CRTC3: variants seen among roughly 807,000 people sequenced by gnomAD.
CRTC3 encodes the protein CREB-regulated transcription coactivator 3.
A neutral mutation model predicts 74.5 loss-of-function variants in CRTC3; 26 were observed. The ratio of observed to expected loss-of-function variants is 0.35; its 90% confidence interval spans 0.26 to 0.48. The LOEUF (loss-of-function observed/expected upper bound fraction) is 0.48, where lower values mean the gene tolerates loss of function less well. Among genes scored for constraint, CRTC3 ranks in the 20% least tolerant of loss-of-function variants. CRTC3 has a pLI of 0.99. For missense variants in CRTC3, 760 were observed against 787.3 expected (o/e 0.97, Z 0.41); for synonymous variants, 377 against 325.8 (o/e 1.16, Z -1.69).
intron 2 of CRTC3, among the ~76,000 whole-genome samples, chr15:90,547,455 T>C (rs1966846256): frequency 6.6e-6 from 1 of 152,218 alleles, no homozygotes; most frequent in Non-Finnish European, 1.5e-5. Context: ...TTTAATATAC[T>C]AAAGACCAAT....
chr15:90,585,842 G>T (rs1278795107), intron 2 of CRTC3, among the ~76,000 whole-genome samples: 1 of 152,144 alleles, frequency 6.6e-6, no homozygotes, highest in Admixed American at 6.5e-5. Flanking sequence ...ACCTGGGTGG[G>T]GTGTGATGCA....
chr15:90,604,558 T>C, intron 5 of CRTC3, 111 bp downstream of exon 5: 1 of 848,360 alleles, frequency 1.2e-6, no homozygotes, highest in South Asian at 1.5e-5. Context: ...TGTGTTGATA[T>C]GACATGTTCA....
At chr15:90,596,526 T>A (rs1396863631) in intron 3 of CRTC3, 1 of 152,156 alleles carries the variant, frequency 6.6e-6, no homozygotes, top group Non-Finnish European at 1.5e-5. Context: ...TCACTGATCA[T>A]GAGCCATGTC....
At position 90,543,300 on chromosome 15, in the gene CRTC3, C is replaced by CAAAAAA. The variant is rs10678466; in HGVS notation, c.231+3177_231+3182dup. Among the ~76,000 whole-genome samples the CAAAAAA allele has an allele frequency of 1.8e-5, 2 of 108,218 alleles. 1 individual carries two copies. Among genetic ancestry groups the CAAAAAA allele is most frequent in the African/African-American group, 7.3e-5 (2 of 27,574 alleles). The allele number at this position is 108,218 out of a possible 152,430, so 71.0% of individuals were successfully genotyped here. ...TGGGTGACAGAGCCAAACCCTGTCT[C>CAAAAAA]AAAAAAAAAAAAAAAAAAAGGTGGC... On this transcript the variant is annotated intron_variant, in intron 2 of 14. Coordinates refer to ENST00000268184, the MANE Select transcript of CRTC3 (RefSeq NM_022769.5).
rs78675007 is a variant in CRTC3, at chr15:90,638,694, C to T, written c.1468-41C>T. The T allele has an allele frequency of 2.1e-4, 340 of 1,612,492 alleles. 1 individual carries two copies. The East Asian group carries it at 7.5e-3, about 35-fold the overall frequency. ...GTGCAGAGGGAATGCTTGTTTTGCT[C>T]TGAGTTCCAAGCTAAATGATCATCT... is the stretch of plus-strand genomic sequence containing the variant. On this transcript the variant is annotated intron_variant, in intron 12 of 14. Transcript: ENST00000268184.
At chr15:90,567,253 G>A (rs957175782) in intron 2 of CRTC3, among the ~76,000 whole-genome samples, 3 of 152,050 alleles carry the variant, frequency 2.0e-5, no homozygotes, top group African/African-American at 7.2e-5. Context: ...CCAGGATGAC[G>A]GTACATGTGT....
chr15:90,545,702 A>G (rs867503824), intron 2 of CRTC3, among the ~76,000 whole-genome samples: 67 of 151,930 alleles, frequency 4.4e-4, no homozygotes, highest in South Asian at 1.9e-3. Flanking sequence ...TCAGCCTCCC[A>G]AGTAGCTGGG....
chr15:90,547,598 C>T (rs1966846514), intron 2 of CRTC3, among the ~76,000 whole-genome samples: 1 of 152,138 alleles, frequency 6.6e-6, no homozygotes, highest in Non-Finnish European at 1.5e-5. Context: ...TAATCTTTAG[C>T]AAGGGGCAGA....
At chr15:90,628,937 T>C (rs1968935856) in intron 10 of CRTC3, among the ~76,000 whole-genome samples, 1 of 152,242 alleles carries the variant, frequency 6.6e-6, no homozygotes, top group African/African-American at 2.4e-5. Flanking sequence ...GCACCTGGAA[T>C]ATTTGCCTCT....
intron 10 of CRTC3, among the ~76,000 whole-genome samples, chr15:90,627,047 C>T (rs1175761565): frequency 6.6e-6 from 1 of 152,224 alleles, no homozygotes; most frequent in Non-Finnish European, 1.5e-5. Context: ...TGATGGTCTC[C>T]AGGTGAAAGC....
intron 2 of CRTC3, among the ~76,000 whole-genome samples, chr15:90,541,217 A>G (rs1239577383): frequency 6.6e-6 from 1 of 152,198 alleles, no homozygotes; most frequent in Non-Finnish European, 1.5e-5. Context: ...GCAATTTAAG[A>G]TTCGGTGTTA....
chr15:90,621,280 G>T (rs138636865), intron 9 of CRTC3, among the ~76,000 whole-genome samples: 32 of 152,282 alleles, frequency 2.1e-4, no homozygotes, highest in Non-Finnish European at 3.7e-4. Flanking sequence ...CAGTACTTTA[G>T]CCCTCAAGAG....
intron 11 of CRTC3, among the ~76,000 whole-genome samples, chr15:90,631,352 C>T (rs1318162305): frequency 6.6e-6 from 1 of 152,124 alleles, no homozygotes; most frequent in Non-Finnish European, 1.5e-5. Flanking sequence ...GATCCTCCTG[C>T]CTCAGCTGGG....
Position 90,628,202 on chromosome 15 carries a change from G to T in CRTC3, c.968-1032G>T, listed in dbSNP as rs1325240345. ...ACTGCACTCCAGCCTGGGTGACAGA[G>T]CGAGACTCTGTCTCAAAAAAAATAA... On this transcript the variant is annotated intron_variant, in intron 10 of 14. Coordinates refer to ENST00000268184, the MANE Select transcript of CRTC3 (RefSeq NM_022769.5). Among the ~76,000 whole-genome samples the T allele has an allele frequency of 7.3e-5, 11 of 151,682 alleles. 1 individual carries two copies. The highest frequency in any genetic ancestry group is 2.7e-4 in the African/African-American group (11 of 41,410).
At chr15:90,614,586 C>A in intron 7 of CRTC3, 98 bp downstream of exon 7, 1 of 853,262 alleles carries the variant, frequency 1.2e-6, no homozygotes, top group Non-Finnish European at 1.9e-6. Flanking sequence ...GTTTTCAGGA[C>A]TCCCCCAAAT....
chr15:90,625,520 A>G (rs537537462), intron 9 of CRTC3, among the ~76,000 whole-genome samples: 149 of 152,316 alleles, frequency 9.8e-4, no homozygotes, highest in African/African-American at 3.5e-3. Context: ...TTTTGCATCC[A>G]TAATCTAATC....
At chr15:90,587,500 G>A (rs914615425) in intron 2 of CRTC3, among the ~76,000 whole-genome samples, 7 of 152,228 alleles carry the variant, frequency 4.6e-5, no homozygotes, top group Non-Finnish European at 1.0e-4. Flanking sequence ...TTCCTCATTT[G>A]ATGTCTAGGT....
rs77150416 is a variant in CRTC3 at position 90,626,149 on chromosome 15, C to T, written c.967+156C>T. On this transcript the variant is annotated intron_variant, in intron 10 of 14. Coordinates refer to ENST00000268184, the MANE Select transcript of CRTC3 (RefSeq NM_022769.5). ...ATCTCCTGACCCTGCGGACATTTTTCTTGGATGTTTCTGTTTCTCCTGGGT... is the reference window on the plus strand; with the variant it reads ...ATCTCCTGACCCTGCGGACATTTTTTTTGGATGTTTCTGTTTCTCCTGGGT... Among the ~76,000 whole-genome samples, 1,496 of 152,326 alleles carry T rather than the reference C, an allele frequency of 9.8e-3. 17 individuals are homozygous for T. Among genetic ancestry groups the T allele is most frequent in the African/African-American group, 0.033 (1,360 of 41,560 alleles).
intron 2 of CRTC3, among the ~76,000 whole-genome samples, chr15:90,558,227 A>G (rs536489000): frequency 5.3e-5 from 8 of 152,096 alleles, no homozygotes; most frequent in African/African-American, 1.9e-4. Flanking sequence ...CCCTGGTCGG[A>G]CCCGTTATCA....
Sources: gnomAD v4.1 joint callset for allele counts (sites outside exome capture counted in the v4.1 genomes callset) on GRCh38, gnomAD v4.1.1 for gene constraint, MANE v1.5 for transcripts, NCBI Gene and HGNC (gene_info 2026-07-23, HGNC 2026-07-21) for gene names.